The following ST3GAL3 variants were observed in gnomAD, a reference collection of about 807,000 sequenced individuals.
ST3GAL3 encodes the protein ST3 beta-galactoside alpha-2,3-sialyltransferase 3, also known as CMP-N-acetylneuraminate-beta-1,4-galactoside alpha-2,3-sialyltransferase.
A neutral mutation model predicts 50.1 loss-of-function variants in ST3GAL3; 21 were observed. The ratio of observed to expected loss-of-function variants is 0.42; its 90% CI spans 0.30 to 0.60. The LOEUF (loss-of-function observed/expected upper bound fraction) is 0.60. ST3GAL3 is among the 20% of genes least tolerant of loss of function. ST3GAL3 has a pLI of 0.19. For synonymous variants in ST3GAL3, 183 were observed against 190.0 expected (o/e 0.96, Z 0.30); for missense variants, 353 against 489.4 (o/e 0.72, Z 2.63).
intron 2 of ST3GAL3, among the ~76,000 whole-genome samples, chr1:43,756,116 AAAG>A (rs1553281767): frequency 2.9e-5 from 4 of 136,916 alleles, no homozygotes; most frequent in African/African-American, 1.0e-4. Context: ...AAAAAAAAAA[AAAG>A]AAGAAGAAGA....
At chr1:43,794,558 A>G (rs11210922) in intron 3 of ST3GAL3, among the ~76,000 whole-genome samples, 25,081 of 152,142 alleles carry the variant, frequency 0.16, 2,383 homozygotes, top group Admixed American at 0.23. Context: ...TTCCTCCTCT[A>G]GGTATATTAT....
intron 4 of ST3GAL3, among the ~76,000 whole-genome samples, chr1:43,817,782 T>TCTCCTCCTCCTC (rs1558440869): frequency 3.4e-5 from 3 of 88,258 alleles, no homozygotes; most frequent in Non-Finnish European, 6.7e-5. Context: ...TTCTCCTCCT[T>TCTCCTCCTCCTC]CTTCTCCTCC....
intron 2 of ST3GAL3, among the ~76,000 whole-genome samples, chr1:43,791,659 A>T (rs573324774): frequency 5.9e-5 from 9 of 152,340 alleles, no homozygotes; most frequent in Admixed American, 5.9e-4. Context: ...TCAATAGGCC[A>T]CTATAAGCCT....
At chr1:43,895,959 C>A (rs2077333323) in intron 6 of ST3GAL3, among the ~76,000 whole-genome samples, 1 of 152,218 alleles carries the variant, frequency 6.6e-6, no homozygotes, top group Non-Finnish European at 1.5e-5. Context: ...AATCCATATC[C>A]TTGACCTTGG....
intron 2 of ST3GAL3, among the ~76,000 whole-genome samples, chr1:43,760,724 C>T (rs559707476): frequency 6.6e-6 from 1 of 152,010 alleles, no homozygotes; most frequent in Non-Finnish European, 1.5e-5. Context: ...CCACTGCATT[C>T]CAGCTTGGGT....
chr1:43,875,449 T>G (rs962203840), intron 5 of ST3GAL3, among the ~76,000 whole-genome samples: 1 of 152,076 alleles, frequency 6.6e-6, no homozygotes, highest in Non-Finnish European at 1.5e-5. Flanking sequence ...TTTCTATGTT[T>G]GGAAGTGATA....
intron 2 of ST3GAL3, among the ~76,000 whole-genome samples, chr1:43,767,471 C>T (rs184880809): frequency 1.8e-4 from 27 of 152,020 alleles, no homozygotes; most frequent in Non-Finnish European, 3.7e-4. Flanking sequence ...ACAGACCATA[C>T]CTAAAGCAAG....
intron 9 of ST3GAL3, among the ~76,000 whole-genome samples, chr1:43,907,524 A>G (rs962521344): frequency 1.2e-4 from 19 of 152,038 alleles, no homozygotes; most frequent in African/African-American, 4.6e-4. Flanking sequence ...CCTCCATCCT[A>G]TTCCAAAGAA....
chr1:43,805,729 G>T (rs186141901), intron 3 of ST3GAL3, among the ~76,000 whole-genome samples: 5 of 152,178 alleles, frequency 3.3e-5, no homozygotes, highest in Admixed American at 3.3e-4. Context: ...GACAAGGAAC[G>T]CTCTTCTTTT....
At chr1:43,832,505 AGTCAGTGAT>A (rs1178753169) in intron 4 of ST3GAL3, among the ~76,000 whole-genome samples, 1 of 152,194 alleles carries the variant, frequency 6.6e-6, no homozygotes, top group East Asian at 1.9e-4. Context: ...AAGAGCAAAG[AGTCAGTGAT>A]GTCTAGGGTA....
At chr1:43,884,012 T>A (rs1039338825) in intron 5 of ST3GAL3, among the ~76,000 whole-genome samples, 1 of 152,204 alleles carries the variant, frequency 6.6e-6, no homozygotes, top group African/African-American at 2.4e-5. Context: ...GGACATATAT[T>A]ACATATATTT....
intron 9 of ST3GAL3, among the ~76,000 whole-genome samples, chr1:43,917,632 TATATAATATAATATATAATATAATATATA>T (rs2082252287): frequency 1.7e-5 from 1 of 57,804 alleles, no homozygotes; most frequent in South Asian, 5.0e-4. Flanking sequence ...TTATATATAA[TATATAATATAATATATAATATAATATATA>T]ATATATATTA....
At chr1:43,717,845 A>T (rs1399101031) in intron 1 of ST3GAL3, among the ~76,000 whole-genome samples, 1 of 151,786 alleles carries the variant, frequency 6.6e-6, no homozygotes, top group Non-Finnish European at 1.5e-5. Flanking sequence ...ATACAAGAAC[A>T]GAACAAATAA....
intron 5 of ST3GAL3, among the ~76,000 whole-genome samples, chr1:43,883,089 A>G (rs1376038456): frequency 6.6e-6 from 1 of 151,932 alleles, no homozygotes; most frequent in Non-Finnish European, 1.5e-5. Flanking sequence ...CAGCCTCCCA[A>G]GTAACTGGGA....
At chr1:43,725,716 A>G (rs992910113) in intron 1 of ST3GAL3, among the ~76,000 whole-genome samples, 7 of 152,128 alleles carry the variant, frequency 4.6e-5, no homozygotes, top group Non-Finnish European at 8.8e-5. Flanking sequence ...GCATGGTCTC[A>G]GTTCACCGCA....
At chr1:43,759,340 A>C (rs999061978) in intron 2 of ST3GAL3, among the ~76,000 whole-genome samples, 1 of 152,122 alleles carries the variant, frequency 6.6e-6, no homozygotes, top group Non-Finnish European at 1.5e-5. Context: ...GCTATTCGGG[A>C]GGCTAAGGTG....
intron 2 of ST3GAL3, among the ~76,000 whole-genome samples, chr1:43,773,903 C>G (rs568193443): frequency 6.6e-6 from 1 of 152,270 alleles, no homozygotes; most frequent in South Asian, 2.1e-4. Flanking sequence ...TACATATCAC[C>G]TACATAGTGT....
chr1:43,917,680 TA>T (rs1345811466), intron 9 of ST3GAL3, among the ~76,000 whole-genome samples: 3 of 111,726 alleles, frequency 2.7e-5, no homozygotes, highest in African/African-American at 3.5e-5. Flanking sequence ...TATATATATA[TA>T]TATTTTAAAC....
intron 1 of ST3GAL3, among the ~76,000 whole-genome samples, chr1:43,729,609 G>A (rs1674712553): frequency 6.6e-6 from 1 of 152,028 alleles, no homozygotes; most frequent in Non-Finnish European, 1.5e-5. Context: ...TTCACCCCAG[G>A]CATGTGTGAC....
Sources: allele counts gnomAD v4.1 joint callset (sites outside exome capture counted in the v4.1 genomes callset), GRCh38; gene constraint gnomAD v4.1.1; transcripts MANE v1.5; gene names NCBI Gene and HGNC (gene_info 2026-07-23, HGNC 2026-07-21).